Variants in PRELID2 observed in about 807,000 individuals in gnomAD.
PRELID2 encodes PRELI domain-containing protein 2.
PRELID2 carries 25 observed loss-of-function variants against 28.4 expected under a neutral mutation model. The observed-to-expected ratio is 0.88, with a 90% CI of 0.64 to 1.23. PRELID2 has a LOEUF of 1.23. Ranked by LOEUF, PRELID2 falls within the 50% of genes most tolerant of loss-of-function variation. PRELID2 has a pLI of 0.00. For synonymous variants in PRELID2, 76 were observed against 71.6 expected (o/e 1.06, Z -0.31); for missense variants, 201 against 214.4 (o/e 0.94, Z 0.39).
At chr5:145,438,008 T>C in the PRELID2 span, among the ~76,000 whole-genome samples, 1 of 152,096 alleles carries the variant, frequency 6.6e-6, no homozygotes, top group Non-Finnish European at 1.5e-5. Context: ...TGAGAGGTTG[T>C]TATACTCTCA....
the PRELID2 span, among the ~76,000 whole-genome samples, chr5:145,387,634 G>A: frequency 6.6e-6 from 1 of 152,062 alleles, no homozygotes; most frequent in Non-Finnish European, 1.5e-5. Context: ...CTGGACATTG[G>A]TTTAAAGACA....
At position 145,649,338 on chromosome 5, in the gene PRELID2, A is replaced by G. The variant is rs190048448; in HGVS notation, n.70+115593T>C. Among the ~76,000 whole-genome samples the G allele has an allele frequency of 2.2e-3, 330 of 152,324 alleles. 1 individual carries two copies. The highest frequency in any genetic ancestry group is 7.1e-3 in the African/African-American group (295 of 41,572). On this transcript the variant is annotated intron_variant and non_coding_transcript_variant, in intron 1 of 2. Coordinates refer to the PRELID2 transcript ENST00000510259. The stretch of plus-strand genomic sequence containing the variant: ...TCCCCTACAGATATACAGAGATGAC[A>G]GTATTCAATAAATTACATTACATAT...
chr5:145,277,285 A>G, the PRELID2 span, among the ~76,000 whole-genome samples: 1 of 152,204 alleles, frequency 6.6e-6, no homozygotes, highest in African/African-American at 2.4e-5. Context: ...TTTTGACTTC[A>G]TGTATCTTTT....
chr5:145,281,667 C>T, the PRELID2 span, among the ~76,000 whole-genome samples: 1 of 152,200 alleles, frequency 6.6e-6, no homozygotes, highest in African/African-American at 2.4e-5. Context: ...GATAACATGT[C>T]TGCTCTCACA....
intron 1 of PRELID2, among the ~76,000 whole-genome samples, chr5:145,509,718 C>T (rs1752444649): frequency 6.6e-6 from 1 of 152,150 alleles, no homozygotes; most frequent in South Asian, 2.1e-4. Context: ...TCATTTTGTT[C>T]TTTAAAACAA....
chr5:145,463,349 T>G, the PRELID2 span, among the ~76,000 whole-genome samples: 7 of 151,376 alleles, frequency 4.6e-5, no homozygotes, highest in South Asian at 6.2e-4. Flanking sequence ...GAAGTTTTTT[T>G]TTTTTTTTTT....
chr5:145,535,269 A>G (rs1752690004), intron 1 of PRELID2, among the ~76,000 whole-genome samples: 1 of 151,824 alleles, frequency 6.6e-6, no homozygotes, highest in Non-Finnish European at 1.5e-5. Flanking sequence ...TTTGGAGATT[A>G]TGTCCTTAGA....
the PRELID2 span, among the ~76,000 whole-genome samples, chr5:145,264,258 A>T: frequency 1.3e-5 from 2 of 152,108 alleles, no homozygotes; most frequent in South Asian, 4.2e-4. Context: ...CAACAAACTA[A>T]CTGAATTCAA....
chr5:145,604,367 T>G (rs932685382), intron 1 of PRELID2, among the ~76,000 whole-genome samples: 2 of 152,162 alleles, frequency 1.3e-5, no homozygotes, highest in Non-Finnish European at 2.9e-5. Context: ...GTCTGTGCAC[T>G]AGTTCGCTTA....
At chr5:145,743,134 C>T (rs989703804) in intron 1 of PRELID2, among the ~76,000 whole-genome samples, 19 of 152,008 alleles carry the variant, frequency 1.2e-4, no homozygotes, top group African/African-American at 4.1e-4. Flanking sequence ...TCTGGCCGGG[C>T]GCGGTGGCTC....
At chr5:145,624,745 A>T (rs1274158680) in intron 1 of PRELID2, among the ~76,000 whole-genome samples, 1 of 152,222 alleles carries the variant, frequency 6.6e-6, no homozygotes, top group Non-Finnish European at 1.5e-5. Context: ...ATTTGGCTAC[A>T]TTAAACATTA....
chr5:145,254,711 G>C, the PRELID2 span, among the ~76,000 whole-genome samples: 2 of 151,922 alleles, frequency 1.3e-5, no homozygotes, highest in Admixed American at 1.3e-4. Context: ...GAGGTATAAG[G>C]GTAGAGAAAG....
the PRELID2 span, among the ~76,000 whole-genome samples, chr5:145,269,141 T>A: frequency 6.6e-6 from 1 of 152,060 alleles, no homozygotes; most frequent in Admixed American, 6.6e-5. Flanking sequence ...CCAATCAAAA[T>A]CCTGACAATT....
At chr5:145,338,641 A>G in the PRELID2 span, among the ~76,000 whole-genome samples, 1 of 152,220 alleles carries the variant, frequency 6.6e-6, no homozygotes, top group Admixed American at 6.5e-5. Flanking sequence ...CTTGCCCTAT[A>G]TATATTGAGT....
chr5:145,604,882 C>CATATACATATATATAT (rs1554078629), intron 1 of PRELID2, among the ~76,000 whole-genome samples: 1 of 116,166 alleles, frequency 8.6e-6, no homozygotes, highest in African/African-American at 3.8e-5. Flanking sequence ...GCTTGTTGGC[C>CATATACATATATATAT]ATATATATAT....
chr5:145,237,457 G>A, the PRELID2 span, among the ~76,000 whole-genome samples: 19 of 152,056 alleles, frequency 1.2e-4, no homozygotes, highest in East Asian at 3.9e-4. Flanking sequence ...TGTCTGGAGC[G>A]CTATGACAAG....
intron 1 of PRELID2, among the ~76,000 whole-genome samples, chr5:145,593,976 T>C (rs1753267049): frequency 6.6e-6 from 1 of 152,198 alleles, no homozygotes; most frequent in South Asian, 2.1e-4. Flanking sequence ...GGTATTGTGA[T>C]AGTATTTTTA....
At chr5:145,241,275 G>C in the PRELID2 span, among the ~76,000 whole-genome samples, 1 of 151,890 alleles carries the variant, frequency 6.6e-6, no homozygotes, top group Non-Finnish European at 1.5e-5. Flanking sequence ...ATACCTTGAA[G>C]ACACGATTCT....
At chr5:145,693,188 C>T (rs1174471479) in intron 1 of PRELID2, among the ~76,000 whole-genome samples, 4 of 147,570 alleles carry the variant, frequency 2.7e-5, no homozygotes, top group Non-Finnish European at 5.9e-5. Context: ...GGCTCTTTTG[C>T]CCAGTCTAGA....
Sources: allele counts gnomAD v4.1 joint callset (sites outside exome capture counted in the v4.1 genomes callset), GRCh38; gene constraint gnomAD v4.1.1; transcripts MANE v1.5; gene names NCBI Gene and HGNC (gene_info 2026-07-23, HGNC 2026-07-21).